Variants in SH3GL2 observed in about 807,000 individuals in gnomAD.
The protein encoded by SH3GL2 is SH3 domain containing GRB2 like 2, endophilin A1.
A neutral mutation model predicts 46.0 loss-of-function variants in SH3GL2; 24 were observed. The observed-to-expected ratio is 0.52, with a 90% confidence interval of 0.38 to 0.73. The LOEUF (loss-of-function observed/expected upper bound fraction) is 0.73, where lower values mean the gene tolerates loss of function less well. SH3GL2 is among the 30% of genes least tolerant of loss of function. The pLI is 0.00. For missense variants in SH3GL2, 413 were observed against 424.2 expected (o/e 0.97, Z 0.23); for synonymous variants, 196 against 147.1 (o/e 1.33, Z -2.40).
At chr9:17,769,761 T>G (rs931939045) in intron 3 of SH3GL2, among the ~76,000 whole-genome samples, 1 of 152,198 alleles carries the variant, frequency 6.6e-6, no homozygotes, top group African/African-American at 2.4e-5. Context: ...TGTTTTCACA[T>G]CACTCCCATT....
At chr9:17,661,687 CT>C (rs1216530250) in intron 1 of SH3GL2, among the ~76,000 whole-genome samples, 3 of 151,952 alleles carry the variant, frequency 2.0e-5, no homozygotes, top group South Asian at 4.2e-4. Flanking sequence ...TTGATGTAAT[CT>C]TTTTTTTAAC....
At chr9:17,632,461 C>T (rs1425289415) in intron 1 of SH3GL2, among the ~76,000 whole-genome samples, 1 of 152,102 alleles carries the variant, frequency 6.6e-6, no homozygotes, top group Non-Finnish European at 1.5e-5. Flanking sequence ...ATGTCACTGT[C>T]AAAGCTACAT....
chr9:17,618,421 T>C (rs1439990839), intron 1 of SH3GL2, among the ~76,000 whole-genome samples: 1 of 152,228 alleles, frequency 6.6e-6, no homozygotes, highest in Non-Finnish European at 1.5e-5. Context: ...TGTGCCATTC[T>C]GGACTGAGGT....
chr9:17,584,848 T>G (rs546724271), intron 1 of SH3GL2, among the ~76,000 whole-genome samples: 1 of 152,326 alleles, frequency 6.6e-6, no homozygotes, highest in South Asian at 2.1e-4. Context: ...TCCTCGTGAT[T>G]GAAGTTTGTG....
At position 17,579,170 on chromosome 9, in the gene SH3GL2, C is replaced by A. The variant is rs1340511230; in HGVS notation, c.-73C>A. On this transcript the variant is annotated 5_prime_UTR_variant, in exon 1 of 9. Coordinates refer to ENST00000380607, the MANE Select transcript of SH3GL2 (RefSeq NM_003026.5). ...CAGAGGCGGCCAGGGGAGCGCGCCG[C>A]CCCGCTCGGCCCTCCAGTCCCCCTC... The A allele has an allele frequency of 3.5e-6, 4 of 1,154,630 alleles. No individual in the cohort carries two copies. The highest frequency in any genetic ancestry group is 1.5e-5 in the South Asian group (1 of 67,074). 71.5% of individuals were successfully genotyped at this position (1,154,630 alleles called of 1,614,324 possible). A position where few individuals can be genotyped will look rare whatever the true frequency, so the allele number is the denominator to read the frequency against.
intron 1 of SH3GL2, among the ~76,000 whole-genome samples, chr9:17,603,690 A>G (rs1477457137): frequency 6.6e-6 from 1 of 152,044 alleles, no homozygotes; most frequent in African/African-American, 2.4e-5. Flanking sequence ...GAGAAACCCC[A>G]TCTCTATTAG....
chr9:17,653,284 T>G (rs1043684887), intron 1 of SH3GL2, among the ~76,000 whole-genome samples: 29 of 152,210 alleles, frequency 1.9e-4, no homozygotes, highest in African/African-American at 7.0e-4. Flanking sequence ...ATCAGATGTC[T>G]TATTTTTTTC....
At chr9:17,664,571 T>C (rs890297097) in intron 1 of SH3GL2, among the ~76,000 whole-genome samples, 3 of 152,044 alleles carry the variant, frequency 2.0e-5, no homozygotes, top group African/African-American at 4.8e-5. Context: ...TATTAAGAAA[T>C]TCATATCAAA....
At chr9:17,640,024 T>C (rs2038521) in intron 1 of SH3GL2, among the ~76,000 whole-genome samples, 51,365 of 151,928 alleles carry the variant, frequency 0.34, 9,293 homozygotes, top group South Asian at 0.46. Context: ...TTTAGGGTGA[T>C]AGTATTATTA....
intron 1 of SH3GL2, among the ~76,000 whole-genome samples, chr9:17,745,010 G>A (rs1377179260): frequency 6.6e-6 from 1 of 152,086 alleles, no homozygotes; most frequent in African/African-American, 2.4e-5. Context: ...GCTGTTGGGT[G>A]GATGTAAAAA....
At chr9:17,699,605 C>T (rs777770895) in intron 1 of SH3GL2, among the ~76,000 whole-genome samples, 3 of 152,222 alleles carry the variant, frequency 2.0e-5, no homozygotes, top group Non-Finnish European at 2.9e-5. Context: ...CCATGTGGCA[C>T]CACTATTGAG....
At chr9:17,778,329 G>A (rs1310994536) in intron 3 of SH3GL2, among the ~76,000 whole-genome samples, 2 of 152,150 alleles carry the variant, frequency 1.3e-5, no homozygotes, top group Non-Finnish European at 2.9e-5. Flanking sequence ...CCCTCATGGA[G>A]CCTATACTCT....
At chr9:17,784,250 A>G (rs1563853109) in intron 3 of SH3GL2, among the ~76,000 whole-genome samples, 1 of 152,176 alleles carries the variant, frequency 6.6e-6, no homozygotes, top group Non-Finnish European at 1.5e-5. Context: ...ATTGAACAAC[A>G]TTCAAAATGA....
chr9:17,719,473 C>T (rs1821839844), intron 1 of SH3GL2, among the ~76,000 whole-genome samples: 1 of 152,048 alleles, frequency 6.6e-6, no homozygotes. Flanking sequence ...TCAGGTACAT[C>T]ATGTCCTTCT....
intron 3 of SH3GL2, among the ~76,000 whole-genome samples, chr9:17,776,448 C>T (rs1477334044): frequency 6.6e-6 from 1 of 152,116 alleles, no homozygotes; most frequent in African/African-American, 2.4e-5. Flanking sequence ...AAAAGAATCT[C>T]AGGGGCTTTC....
chr9:17,679,667 T>A (rs1820715266), intron 1 of SH3GL2, among the ~76,000 whole-genome samples: 1 of 152,196 alleles, frequency 6.6e-6, no homozygotes, highest in Admixed American at 6.5e-5. Flanking sequence ...AACACTATGT[T>A]GAATAGGAGT....
chr9:17,683,434 A>G (rs1820825572), intron 1 of SH3GL2, among the ~76,000 whole-genome samples: 1 of 152,060 alleles, frequency 6.6e-6, no homozygotes, highest in African/African-American at 2.4e-5. Flanking sequence ...GGCAAACTCT[A>G]GGCTCAGGGG....
At chr9:17,629,463 A>G (rs973513149) in intron 1 of SH3GL2, among the ~76,000 whole-genome samples, 19 of 152,196 alleles carry the variant, frequency 1.2e-4, no homozygotes, top group African/African-American at 3.9e-4. Context: ...CCATTCACAA[A>G]TTGCTAACAT....
intron 2 of SH3GL2, among the ~76,000 whole-genome samples, chr9:17,754,996 G>A (rs1470158414): frequency 2.0e-5 from 3 of 152,150 alleles, no homozygotes; most frequent in African/African-American, 7.2e-5. Flanking sequence ...TTGCCTAATT[G>A]GCCTGGTCAG....
Sources: gnomAD v4.1 joint callset for allele counts (sites outside exome capture counted in the v4.1 genomes callset) on GRCh38, gnomAD v4.1.1 for gene constraint, MANE v1.5 for transcripts, NCBI Gene and HGNC (gene_info 2026-07-23, HGNC 2026-07-21) for gene names.